Variants in IL1RAPL1 observed in about 807,000 individuals in gnomAD.
IL1RAPL1 encodes the protein interleukin 1 receptor accessory protein like 1.
A neutral mutation model predicts 48.4 loss-of-function variants in IL1RAPL1; 3 were observed. The observed-to-expected ratio is 0.06, with a 90% CI of 0.03 to 0.16. The LOEUF (loss-of-function observed/expected upper bound fraction) is 0.16, where lower values mean the gene tolerates loss of function less well. Ranked by LOEUF, IL1RAPL1 falls within the 10% of genes least tolerant of loss-of-function variation. IL1RAPL1 has a pLI of 1.00. For synonymous variants in IL1RAPL1, 185 were observed against 187.7 expected, an observed-to-expected ratio of 0.99 and a Z score of 0.12; for missense variants, 349 against 530.6, an observed-to-expected ratio of 0.66 and a Z score of 3.36.
chrX:29,102,829 C>T (rs758408255), intron 2 of IL1RAPL1, among the ~76,000 whole-genome samples: 8 of 110,796 alleles, frequency 7.2e-5, no homozygotes, highest in African/African-American at 2.6e-4. Flanking sequence ...TTCTATATGC[C>T]AACAATGAAT....
At chrX:28,908,515 T>C (rs1054539588) in intron 2 of IL1RAPL1, among the ~76,000 whole-genome samples, 1 of 112,022 alleles carries the variant, frequency 8.9e-6, no homozygotes, top group Non-Finnish European at 1.9e-5. Context: ...CTTTCTGTTA[T>C]TGATTTTTAG....
rs1381064508 is a variant in IL1RAPL1, at chrX:28,873,554, CG to C, written c.82+84131del. ...TTTTTTTTTTTTTTTTTTTTTGAGACGGAGTCTCGCTCTGTCGCCCAGGCTG... is the reference window on the plus strand; with the variant it reads ...TTTTTTTTTTTTTTTTTTTTTGAGACGAGTCTCGCTCTGTCGCCCAGGCTG... On this transcript the variant is annotated intron_variant, in intron 2 of 10. Coordinates refer to ENST00000378993, the MANE Select transcript of IL1RAPL1 (RefSeq NM_014271.4). Among the ~76,000 whole-genome samples the C allele has an allele frequency of 3.2e-5, 2 of 62,818 alleles. 1 individual carries two copies. The highest frequency in any genetic ancestry group is 1.0e-3 in the East Asian group (2 of 1,907). The allele number at this position is 62,818 out of a possible 115,157, so 54.5% of individuals were successfully genotyped here. A position where few individuals can be genotyped will look rare whatever the true frequency, so the allele number is the denominator to read the frequency against.
chrX:29,312,814 G>A lies in IL1RAPL1; in HGVS notation c.362+29597G>A, dbSNP rs1264236778. ...TGGAAGATAATTGAATCATGGGGGT[G>A]GTTTCTCCCATACTGTTCTGGTGGT... On this transcript the variant is annotated intron_variant, in intron 3 of 10. Transcript: ENST00000378993. Among the ~76,000 whole-genome samples the A allele has an allele frequency of 2.7e-5, 3 of 110,840 alleles. No homozygotes were observed. In the Admixed American group the frequency reaches 2.9e-4, roughly 11 times the overall value.
At chrX:28,994,134 G>A (rs1030816425) in intron 2 of IL1RAPL1, among the ~76,000 whole-genome samples, 1 of 111,252 alleles carries the variant, frequency 9.0e-6, no homozygotes, top group Admixed American at 9.7e-5. Flanking sequence ...TGACTATTAA[G>A]CCAGTTAATA....
intron 3 of IL1RAPL1, among the ~76,000 whole-genome samples, chrX:29,355,211 T>C (rs1405825157): frequency 8.9e-6 from 1 of 111,870 alleles, no homozygotes; most frequent in Non-Finnish European, 1.9e-5. Context: ...GCTTCACATG[T>C]GTCTGCTATT....
chrX:28,865,795 T>A (rs1039947414), intron 2 of IL1RAPL1, among the ~76,000 whole-genome samples: 7 of 111,835 alleles, frequency 6.3e-5, no homozygotes, highest in Non-Finnish European at 1.1e-4. Flanking sequence ...TCAAGCCAAG[T>A]GAAATATGCC....
intron 6 of IL1RAPL1, among the ~76,000 whole-genome samples, chrX:29,880,892 A>G (rs146398773): frequency 0.011 from 1,197 of 111,768 alleles, 13 homozygotes; most frequent in African/African-American, 0.036. Flanking sequence ...TTATGTGACT[A>G]ATGTTTCATT....
chrX:28,592,420 G>T lies in IL1RAPL1; in HGVS notation c.-25+4373G>T, dbSNP rs149057587. On this transcript the variant is annotated intron_variant, in intron 1 of 10. Coordinates refer to ENST00000378993, the MANE Select transcript of IL1RAPL1 (RefSeq NM_014271.4). ...AGCATAATGAGTTTGAATACCAAGT[G>T]TAATAGAGAAAATGAGAATATAAAG... 8.1e-3 allele frequency among the ~76,000 whole-genome samples: 904 copies of T among 111,360 alleles called. 12 individuals are homozygous for T. The highest frequency in any genetic ancestry group is 0.028 in the African/African-American group (862 of 30,685).
At chrX:28,829,556 GA>G (rs1176897861) in intron 2 of IL1RAPL1, among the ~76,000 whole-genome samples, 3 of 82,550 alleles carry the variant, frequency 3.6e-5, no homozygotes, top group Non-Finnish European at 6.5e-5. Flanking sequence ...AAGGGTGCTG[GA>G]ATTTTTTTTT....
At chrX:28,890,500 A>G (rs763174201) in intron 2 of IL1RAPL1, among the ~76,000 whole-genome samples, 1 of 111,940 alleles carries the variant, frequency 8.9e-6, no homozygotes, top group South Asian at 3.7e-4. Flanking sequence ...ATTATAGACA[A>G]TAGTTTCTAT....
chrX:29,906,339 A>G (rs1241795401), intron 6 of IL1RAPL1, among the ~76,000 whole-genome samples: 1 of 53,774 alleles, frequency 1.9e-5, no homozygotes, highest in Non-Finnish European at 3.0e-5. Flanking sequence ...TGTCTCAAAA[A>G]AACAAACAAA....
chrX:28,767,580 G>C lies in IL1RAPL1; in HGVS notation c.-24-21740G>C, dbSNP rs145273915. Among the ~76,000 whole-genome samples, 437 of 110,814 alleles carry C rather than the reference G, an allele frequency of 3.9e-3. 4 individuals are homozygous for C. Among genetic ancestry groups the C allele is most frequent in the African/African-American group, 0.014 (417 of 30,578 alleles). ...GCTATGGAATAATGGAAGGAACCTA[G>C]GTTTTAGATTTTACATATACACACA... is the stretch of plus-strand genomic sequence containing the variant. On this transcript the variant is annotated intron_variant, in intron 1 of 10. Coordinates refer to ENST00000378993, the MANE Select transcript of IL1RAPL1 (RefSeq NM_014271.4).
intron 2 of IL1RAPL1, among the ~76,000 whole-genome samples, chrX:29,101,967 T>G (rs1193320749): frequency 9.0e-6 from 1 of 111,566 alleles, no homozygotes; most frequent in Admixed American, 9.5e-5. Context: ...ATATCATTTA[T>G]CATGACCAAG....
intron 2 of IL1RAPL1, among the ~76,000 whole-genome samples, chrX:29,018,075 G>A (rs1364576625): frequency 9.0e-6 from 1 of 111,347 alleles, no homozygotes; most frequent in Non-Finnish European, 1.9e-5. Flanking sequence ...TAATTTACCT[G>A]GTTCTCCATA....
rs759919041 is a variant in IL1RAPL1, at chrX:29,752,790, T to C, written c.778+84286T>C. Among the ~76,000 whole-genome samples the C allele has an allele frequency of 2.0e-3, 229 of 111,834 alleles. 1 individual carries two copies. Among genetic ancestry groups the C allele is most frequent in the Middle Eastern group, 9.3e-3 (2 of 215 alleles). On this transcript the variant is annotated intron_variant, in intron 6 of 10. Transcript: ENST00000378993. Reference sequence around the variant, plus strand: ...GTTTAGAAATGGTACAGAGGAAAGTTAGTAAAAGTAATCACTCTAAAAGTG... The same window carrying C: ...GTTTAGAAATGGTACAGAGGAAAGTCAGTAAAAGTAATCACTCTAAAAGTG...
At chrX:28,912,512 T>C (rs1923386350) in intron 2 of IL1RAPL1, among the ~76,000 whole-genome samples, 1 of 111,071 alleles carries the variant, frequency 9.0e-6, no homozygotes, top group African/African-American at 3.3e-5. Context: ...TGTGTATATA[T>C]ACACATATAC....
At chrX:29,244,504 T>C (rs1931474564) in intron 2 of IL1RAPL1, among the ~76,000 whole-genome samples, 1 of 112,586 alleles carries the variant, frequency 8.9e-6, no homozygotes, top group Non-Finnish European at 1.9e-5. Context: ...AAAAATTTTA[T>C]GTTATGCCTT....
chrX:29,180,012 G>T (rs988466208), intron 2 of IL1RAPL1, among the ~76,000 whole-genome samples: 5 of 98,868 alleles, frequency 5.1e-5, no homozygotes, highest in South Asian at 4.5e-4. Flanking sequence ...CCAGAAGAAG[G>T]TTTCATAATC....
chrX:28,629,953 A>G (rs757155372), intron 1 of IL1RAPL1, among the ~76,000 whole-genome samples: 30 of 111,941 alleles, frequency 2.7e-4, no homozygotes, highest in African/African-American at 9.7e-4. Context: ...TTACAAATAA[A>G]CTTTATTCTT....
Sources: gnomAD v4.1 joint callset for allele counts (sites outside exome capture counted in the v4.1 genomes callset) on GRCh38, gnomAD v4.1.1 for gene constraint, MANE v1.5 for transcripts, NCBI Gene and HGNC (gene_info 2026-07-23, HGNC 2026-07-21) for gene names.